The following RMDN1 variants were observed in gnomAD, a reference collection of about 807,000 sequenced individuals.
RMDN1 encodes the protein regulator of microtubule dynamics 1.
A neutral mutation model predicts 48.9 loss-of-function variants in RMDN1; 48 were observed. The observed-to-expected ratio is 0.98, with a 90% confidence interval of 0.78 to 1.25. The LOEUF is 1.25. Ranked by LOEUF, RMDN1 falls within the 50% of genes most tolerant of loss-of-function variation. RMDN1 has a pLI of 0.00. For missense variants in RMDN1, 418 were observed against 373.4 expected (o/e 1.12, Z -0.98); for synonymous variants, 148 against 132.6 (o/e 1.12, Z -0.80).
chr8:86,470,897 T>C (rs866076646), downstream of RMDN1, among the ~76,000 whole-genome samples: 29 of 152,246 alleles, frequency 1.9e-4, no homozygotes, highest in Admixed American at 5.9e-4. Context: ...TGGGTGTGAC[T>C]GTAAAGGGAC....
downstream of RMDN1, among the ~76,000 whole-genome samples, chr8:86,471,783 A>G (rs566563028): frequency 3.7e-4 from 57 of 152,328 alleles, no homozygotes; most frequent in African/African-American, 1.2e-3. Context: ...TCCTGGAAAT[A>G]AGTTGGAACA....
intron 7 of RMDN1, chr8:86,477,562 C>G (rs1352748265): frequency 2.6e-6 from 1 of 382,126 alleles, no homozygotes; most frequent in Non-Finnish European, 4.7e-6. Context: ...CTGTTTAGAA[C>G]TTGTACCAAA....
At chr8:86,474,489 T>A (rs1198928992) in intron 9 of RMDN1, 131 bp from the exon 10 acceptor site, 1 of 758,406 alleles carries the variant, frequency 1.3e-6, no homozygotes, top group Non-Finnish European at 2.3e-6. Context: ...ATAAAATGTC[T>A]TGACAGTGAC....
intron 2 of RMDN1, chr8:86,503,932 A>G (rs1398008909): frequency 1.4e-6 from 1 of 739,918 alleles, no homozygotes; most frequent in African/African-American, 1.7e-5. Flanking sequence ...GTTGGTTGAA[A>G]TGCTGACCCT....
downstream of RMDN1, among the ~76,000 whole-genome samples, chr8:86,471,982 A>AT (rs1469948374): frequency 1.3e-5 from 2 of 152,242 alleles, no homozygotes; most frequent in Non-Finnish European, 2.9e-5. Flanking sequence ...AGCATGAGAC[A>AT]TCTTGGGGAC....
At position 86,486,523 on chromosome 8, in the gene RMDN1, T is replaced by G; in HGVS notation, c.456A>C (p.Arg152Ser). 1 of 1,600,712 alleles carries G rather than the reference T, an allele frequency of 6.2e-7. No homozygotes were observed. The highest frequency in any genetic ancestry group is 8.5e-7 in the Non-Finnish European group (1 of 1,171,960). The part of the protein sequence containing the change: ...LVYEALEYAK[R>S]ALEKNESSFA... ...AACTTGATTCATTTTTTTCTAGTGC[T>G]CTTTTTGCATACTCTAGGGCTTCAT... is the stretch of plus-strand genomic sequence containing the variant. The change falls in exon 4 of 10, where the codon AGA becomes AGC. Residue 152 changes from arginine (R) to serine (S), a missense_variant. Physicochemically the swap from Arg to Ser is moderately radical, Grantham distance 110. Coordinates refer to ENST00000406452, the MANE Select transcript of RMDN1 (RefSeq NM_016033.3).
chr8:86,510,810 G>A (rs770996100), upstream of RMDN1, among the ~76,000 whole-genome samples: 7 of 152,154 alleles, frequency 4.6e-5, no homozygotes, highest in Non-Finnish European at 7.3e-5. Context: ...TCAGAGGAAA[G>A]GTGTGGAAGT....
chr8:86,512,821 C>T (rs1335871814), upstream of RMDN1, among the ~76,000 whole-genome samples: 1 of 152,018 alleles, frequency 6.6e-6, no homozygotes, highest in African/African-American at 2.4e-5. Context: ...CACCTGTAAT[C>T]CCAGCACTCT....
At chr8:86,483,119 A>C (rs1465719851) in intron 5 of RMDN1, 1 of 374,438 alleles carries the variant, frequency 2.7e-6, no homozygotes, top group Non-Finnish European at 4.8e-6. Context: ...TTCAAAAATA[A>C]TCCAAAGATG....
intron 3 of RMDN1, among the ~76,000 whole-genome samples, chr8:86,487,257 A>G (rs528393124): frequency 1.3e-5 from 2 of 152,356 alleles, no homozygotes; most frequent in East Asian, 3.9e-4. Flanking sequence ...ATATAATGAC[A>G]TAAGAAATGG....
At chr8:86,470,529 C>T, downstream of RMDN1, 1 of 744,826 alleles carries the variant, frequency 1.3e-6, no homozygotes, top group South Asian at 1.9e-5. Flanking sequence ...ATAAAAGGAC[C>T]CAGGAGCCAC....
chr8:86,482,875 G>A, intron 5 of RMDN1: 1 of 1,147,398 alleles, frequency 8.7e-7, no homozygotes, highest in Non-Finnish European at 1.3e-6. Context: ...AAGGCCCTGG[G>A]GTCCCAGTTG....
At chr8:86,475,556 T>TG (rs1310414237) in intron 8 of RMDN1, among the ~76,000 whole-genome samples, 3 of 151,464 alleles carry the variant, frequency 2.0e-5, no homozygotes, top group African/African-American at 7.3e-5. Context: ...AACTTTGAAC[T>TG]GCTACAAGAA....
At chr8:86,512,033 C>T (rs1189073567), upstream of RMDN1, among the ~76,000 whole-genome samples, 1 of 152,098 alleles carries the variant, frequency 6.6e-6, no homozygotes, top group Non-Finnish European at 1.5e-5. Context: ...ATGAATTCAA[C>T]ACATGTTAAA....
intron 2 of RMDN1, among the ~76,000 whole-genome samples, chr8:86,497,689 A>C (rs1817586096): frequency 6.7e-6 from 1 of 148,936 alleles, no homozygotes; most frequent in Admixed American, 6.7e-5. Flanking sequence ...CAACAGAGCA[A>C]GACACTATCT....
intron 5 of RMDN1, 154 bp downstream of exon 5, chr8:86,484,718 C>CAAAAA (rs34599016): frequency 7.3e-6 from 2 of 274,592 alleles, no homozygotes; most frequent in Non-Finnish European, 1.3e-5. Flanking sequence ...AACTCCGTCT[C>CAAAAA]AAAAAAAAAA....
upstream of RMDN1, among the ~76,000 whole-genome samples, chr8:86,510,068 T>C (rs181028438): frequency 1.6e-3 from 246 of 152,350 alleles, no homozygotes; most frequent in Admixed American, 2.5e-3. Context: ...CTAAGAAAAG[T>C]TGCAGGAACT....
At chr8:86,493,777 C>A (rs1366924080) in intron 2 of RMDN1, among the ~76,000 whole-genome samples, 2 of 152,120 alleles carry the variant, frequency 1.3e-5, no homozygotes, top group African/African-American at 2.4e-5. Flanking sequence ...TATTTAAAAT[C>A]TTGTATAAAA....
intron 2 of RMDN1, chr8:86,503,594 A>G: frequency 2.3e-6 from 1 of 433,020 alleles, no homozygotes; most frequent in Non-Finnish European, 4.6e-6. Context: ...ACAGAAGGTC[A>G]CCCCAGCTCT....
Sources: gnomAD v4.1 joint callset for allele counts (sites outside exome capture counted in the v4.1 genomes callset) on GRCh38, gnomAD v4.1.1 for gene constraint, MANE v1.5 for transcripts, NCBI Gene and HGNC (gene_info 2026-07-23, HGNC 2026-07-21) for gene names.